Variants in GHR observed in about 807,000 individuals in gnomAD.
GHR encodes the protein growth hormone receptor, also known as GH receptor.
GHR carries 35 observed loss-of-function variants against 67.1 expected under a neutral mutation model. That is an observed-to-expected ratio of 0.52 (90% CI 0.40 to 0.69). GHR has a LOEUF of 0.69. Among genes scored for constraint, GHR ranks in the 30% least tolerant of loss-of-function variants. GHR has a pLI of 0.00. For synonymous variants in GHR, 272 were observed against 269.1 expected (o/e 1.01, Z -0.10); for missense variants, 792 against 764.6 (o/e 1.04, Z -0.42).
chr5:42,606,385 G>A (rs1305511776), intron 2 of GHR, among the ~76,000 whole-genome samples: 5 of 152,170 alleles, frequency 3.3e-5, no homozygotes, highest in Non-Finnish European at 7.3e-5. Flanking sequence ...TCTGCAGGCT[G>A]TACAGGAAGC....
At chr5:42,568,702 T>C (rs73751212) in intron 2 of GHR, among the ~76,000 whole-genome samples, 49 of 152,316 alleles carry the variant, frequency 3.2e-4, no homozygotes, top group African/African-American at 1.2e-3. Flanking sequence ...TCAGTCTAGC[T>C]GGGACATGAG....
intron 1 of GHR, chr5:42,465,840 C>A: frequency 1.3e-6 from 1 of 761,376 alleles, no homozygotes; most frequent in South Asian, 1.4e-5. Flanking sequence ...ATAGGTCGGT[C>A]AATAATCAGT....
At chr5:42,640,637 T>A (rs1754421402) in intron 3 of GHR, among the ~76,000 whole-genome samples, 1 of 152,154 alleles carries the variant, frequency 6.6e-6, no homozygotes, top group African/African-American at 2.4e-5. Context: ...TATTTTGTAT[T>A]TGAATAGTTT....
At chr5:42,648,074 G>C (rs1378207319) in intron 3 of GHR, among the ~76,000 whole-genome samples, 9 of 152,110 alleles carry the variant, frequency 5.9e-5, no homozygotes, top group Admixed American at 5.2e-4. Flanking sequence ...ACATAAAGAA[G>C]TAAAAAGAGC....
At chr5:42,570,004 C>T (rs1750194242) in intron 2 of GHR, among the ~76,000 whole-genome samples, 1 of 152,142 alleles carries the variant, frequency 6.6e-6, no homozygotes, top group African/African-American at 2.4e-5. Flanking sequence ...AGGAAAGACA[C>T]CCCTGTTCTC....
At chr5:42,713,541 T>C (rs746323391) in intron 8 of GHR, 22 bp downstream of exon 8, 4 of 974,190 alleles carry the variant, frequency 4.1e-6, no homozygotes, top group South Asian at 1.3e-5. Flanking sequence ...GTAGTATTCT[T>C]TGGTATTTTG....
intron 1 of GHR, among the ~76,000 whole-genome samples, chr5:42,454,461 A>G (rs561566285): frequency 6.6e-6 from 1 of 152,342 alleles, no homozygotes; most frequent in African/African-American, 2.4e-5. Context: ...GCCAAGGCAG[A>G]TAGAAAAATA....
At chr5:42,580,964 C>T (rs761710360) in intron 2 of GHR, among the ~76,000 whole-genome samples, 70 of 152,152 alleles carry the variant, frequency 4.6e-4, no homozygotes, top group Middle Eastern at 3.2e-3. Flanking sequence ...ATTCATCTTT[C>T]GTATTCCTTG....
chr5:42,496,238 G>A (rs1235004069), intron 1 of GHR, among the ~76,000 whole-genome samples: 1 of 152,146 alleles, frequency 6.6e-6, no homozygotes, highest in Non-Finnish European at 1.5e-5. Flanking sequence ...AAAGCAGAGA[G>A]AATTGGTTCC....
intron 1 of GHR, among the ~76,000 whole-genome samples, chr5:42,511,553 T>C (rs1747015510): frequency 6.6e-6 from 1 of 152,254 alleles, no homozygotes; most frequent in East Asian, 1.9e-4. Flanking sequence ...AAGCTCAAGC[T>C]CCATCTACAA....
intron 3 of GHR, among the ~76,000 whole-genome samples, chr5:42,646,740 C>T (rs557670215): frequency 2.0e-4 from 31 of 152,226 alleles, no homozygotes; most frequent in South Asian, 2.1e-4. Context: ...TGCTTGGTGA[C>T]GTCCTGCAGC....
At chr5:42,673,326 T>C (rs34980021) in intron 3 of GHR, among the ~76,000 whole-genome samples, 1,826 of 152,312 alleles carry the variant, frequency 0.012, 36 homozygotes, top group African/African-American at 0.042. Context: ...GTAAGTTAGT[T>C]CAGCCACTGT....
intron 5 of GHR, among the ~76,000 whole-genome samples, chr5:42,699,025 C>A (rs1172740222): frequency 6.6e-6 from 1 of 152,166 alleles, no homozygotes; most frequent in Non-Finnish European, 1.5e-5. Flanking sequence ...AACAATGTTT[C>A]AAGTTGTTCA....
At chr5:42,681,966 A>C (rs1295464716) in intron 3 of GHR, among the ~76,000 whole-genome samples, 15 of 148,930 alleles carry the variant, frequency 1.0e-4, no homozygotes, top group Middle Eastern at 3.4e-3. Flanking sequence ...AGACATATGC[A>C]CACGTACGTT....
intron 1 of GHR, among the ~76,000 whole-genome samples, chr5:42,524,154 G>C (rs2112315298): frequency 6.6e-6 from 1 of 152,240 alleles, no homozygotes; most frequent in East Asian, 1.9e-4. Flanking sequence ...AACTGGCAGA[G>C]TTTGGAAGAG....
At chr5:42,463,120 A>G (rs1188879181) in intron 1 of GHR, among the ~76,000 whole-genome samples, 1 of 152,180 alleles carries the variant, frequency 6.6e-6, no homozygotes, top group Non-Finnish European at 1.5e-5. Context: ...CATCTCTCTA[A>G]GCATCTATGT....
At chr5:42,473,451 AG>A (rs1199389243) in intron 1 of GHR, among the ~76,000 whole-genome samples, 2 of 152,242 alleles carry the variant, frequency 1.3e-5, no homozygotes, top group Non-Finnish European at 2.9e-5. Context: ...GATATATAGC[AG>A]GACATTACCA....
chr5:42,450,528 A>G (rs1481746854), intron 1 of GHR, among the ~76,000 whole-genome samples: 1 of 151,820 alleles, frequency 6.6e-6, no homozygotes, highest in Non-Finnish European at 1.5e-5. Flanking sequence ...GGTTAATTTC[A>G]CTAATGGTTT....
At chr5:42,668,938 T>G (rs1025826860) in intron 3 of GHR, among the ~76,000 whole-genome samples, 1 of 152,176 alleles carries the variant, frequency 6.6e-6, no homozygotes, top group Non-Finnish European at 1.5e-5. Flanking sequence ...AGTCAGGAAC[T>G]ATTTGTATAT....
Sources: gnomAD v4.1 joint callset for allele counts (sites outside exome capture counted in the v4.1 genomes callset) on GRCh38, gnomAD v4.1.1 for gene constraint, MANE v1.5 for transcripts, NCBI Gene and HGNC (gene_info 2026-07-23, HGNC 2026-07-21) for gene names.